The following GAS7 variants were observed in gnomAD, a reference collection of about 807,000 sequenced individuals.
The protein encoded by GAS7 is growth arrest specific 7.
In GAS7, 28 loss-of-function variants were observed where a neutral mutation model predicts 71.1. The observed-to-expected ratio is 0.39, with a 90% CI of 0.29 to 0.54. The LOEUF (loss-of-function observed/expected upper bound fraction) is 0.54, where lower values mean the gene tolerates loss of function less well. GAS7 is among the 20% of genes least tolerant of loss of function. The pLI, the probability that GAS7 is intolerant of heterozygous loss-of-function variation, is 0.62. For missense variants in GAS7, 436 were observed against 627.8 expected (o/e 0.69, Z 3.27); for synonymous variants, 258 against 245.8 (o/e 1.05, Z -0.46).
chr17:10,006,860 A>C (rs1192554093), intron 2 of GAS7, among the ~76,000 whole-genome samples: 1 of 152,218 alleles, frequency 6.6e-6, no homozygotes, highest in Non-Finnish European at 1.5e-5. Context: ...TGGCCAGGTG[A>C]AGGGCCTTTC....
intron 1 of GAS7, among the ~76,000 whole-genome samples, chr17:10,025,215 C>A (rs554072429): frequency 9.1e-4 from 138 of 151,380 alleles, no homozygotes; most frequent in Middle Eastern, 3.4e-3. Flanking sequence ...GCAGCCTGGG[C>A]AATGGAGCAA....
At chr17:9,928,096 A>T (rs1567783020) in intron 9 of GAS7, among the ~76,000 whole-genome samples, 1 of 140,896 alleles carries the variant, frequency 7.1e-6, no homozygotes. Context: ...TGAGCATAAC[A>T]TTTATTTATT....
rs566357900 is a variant in GAS7, at chr17:10,059,829, C to T, written c.184-39932G>A. 92 of 984,254 alleles carry T rather than the reference C, an allele frequency of 9.3e-5. 1 individual carries two copies. In the African/African-American group the frequency reaches 1.3e-3, roughly 14 times the overall value. 61.0% of individuals were successfully genotyped at this position (984,254 alleles called of 1,614,324 possible). On this transcript the variant is annotated intron_variant, in intron 1 of 13. Transcript: ENST00000432992. Reference sequence around the variant, plus strand: ...ATTTATATATAGAAAGTTGCAGCCACGCAGGTTAGCATTAAAATAGAGACT... The same window carrying T: ...ATTTATATATAGAAAGTTGCAGCCATGCAGGTTAGCATTAAAATAGAGACT...
chr17:10,017,158 A>AAATG (rs1286605172), intron 2 of GAS7, among the ~76,000 whole-genome samples: 22 of 149,734 alleles, frequency 1.5e-4, no homozygotes, highest in Non-Finnish European at 3.0e-4. Context: ...ATAAATAAAT[A>AAATG]AATAAATAAA....
In GAS7 at chr17:10,073,280, AC is replaced by A. The variant is rs2073359806; in HGVS notation, c.184-53384del. Among the ~76,000 whole-genome samples the A allele has an allele frequency of 2.0e-5, 3 of 152,094 alleles. No homozygotes were observed. The South Asian group carries it at 6.3e-4, about 32-fold the overall frequency. On this transcript the variant is annotated intron_variant, in intron 1 of 13. Transcript: ENST00000432992. ...GCAGGTACCTCAGTGAACTAATTCC[AC>A]CCCAGGGGCTCTGACACAGCTGGAG...
Position 9,982,815 on chromosome 17 carries a change from GGAAAGAAAGGAAAGAAA to G in GAS7, c.305-948_305-932del, listed in dbSNP as rs1188088099. Among the ~76,000 whole-genome samples the G allele has an allele frequency of 7.3e-4, 54 of 74,300 alleles. 2 individuals are homozygous for G. In the South Asian group the frequency reaches 0.012, roughly 16 times the overall value. The allele number at this position is 74,300 out of a possible 152,430, so 48.7% of individuals were successfully genotyped here. A position where few individuals can be genotyped will look rare whatever the true frequency, so the allele number is the denominator to read the frequency against. On this transcript the variant is annotated intron_variant, in intron 2 of 13. Transcript: ENST00000432992. ...AAAGAAAGGAAAGAAAGGAAAGAAA[GGAAAGAAAGGAAAGAAA>G]GAAAGAAAGAAAGAAAGAAAGAAAG... is the stretch of plus-strand genomic sequence containing the variant.
At chr17:10,046,844 G>A (rs977468195) in intron 1 of GAS7, among the ~76,000 whole-genome samples, 1,568 of 80,642 alleles carry the variant, frequency 0.019, 46 homozygotes, top group Non-Finnish European at 0.024. Flanking sequence ...AAGGAAGGAA[G>A]GAAAGAAAAG....
At chr17:10,036,341 G>T in intron 1 of GAS7, 1 of 1,084,716 alleles carries the variant, frequency 9.2e-7, no homozygotes, top group Non-Finnish European at 1.4e-6. Flanking sequence ...AGTTTTCAGA[G>T]CTGCCTCTTT....
intron 1 of GAS7, among the ~76,000 whole-genome samples, chr17:10,186,188 A>C (rs1457156517): frequency 2.0e-5 from 3 of 151,210 alleles, no homozygotes; most frequent in African/African-American, 4.9e-5. Flanking sequence ...CGATCTCCTG[A>C]TCTTGTGATC....
intron 1 of GAS7, among the ~76,000 whole-genome samples, chr17:10,055,994 C>T (rs1028222237): frequency 3.9e-5 from 6 of 152,104 alleles, no homozygotes; most frequent in Admixed American, 3.9e-4. Flanking sequence ...GTGAATTATC[C>T]CCAATTCTGA....
chr17:10,170,504 G>A (rs185608562), intron 1 of GAS7, among the ~76,000 whole-genome samples: 3 of 152,296 alleles, frequency 2.0e-5, no homozygotes, highest in Non-Finnish European at 2.9e-5. Context: ...AGCAATCCAC[G>A]TGCTTACTCC....
At chr17:9,951,971 G>A (rs542750201) in intron 5 of GAS7, among the ~76,000 whole-genome samples, 4 of 152,184 alleles carry the variant, frequency 2.6e-5, no homozygotes, top group East Asian at 1.9e-4. Context: ...GCCGGAAGAG[G>A]AGACGGTACC....
chr17:10,075,560 C>CGA (rs967149944), intron 1 of GAS7, among the ~76,000 whole-genome samples: 2 of 151,708 alleles, frequency 1.3e-5, no homozygotes, highest in African/African-American at 4.8e-5. Flanking sequence ...TTTGGAAGGC[C>CGA]GAGGTGGGAG....
chr17:10,029,585 G>A (rs752262791), intron 1 of GAS7, among the ~76,000 whole-genome samples: 3 of 152,172 alleles, frequency 2.0e-5, no homozygotes, highest in Non-Finnish European at 4.4e-5. Flanking sequence ...TGGGTGCGGT[G>A]CCTCATGCCT....
intron 1 of GAS7, among the ~76,000 whole-genome samples, chr17:10,124,017 G>C (rs547414496): frequency 6.6e-6 from 1 of 152,236 alleles, no homozygotes; most frequent in Non-Finnish European, 1.5e-5. Context: ...AGGGCTGGCT[G>C]AAGAAGCTGG....
intron 2 of GAS7, among the ~76,000 whole-genome samples, chr17:10,002,158 G>A (rs933522471): frequency 6.6e-6 from 1 of 152,194 alleles, no homozygotes; most frequent in Admixed American, 6.5e-5. Context: ...GAAACGTATT[G>A]TTACAGTTCT....
chr17:10,000,164 T>A (rs1419821638), intron 2 of GAS7, among the ~76,000 whole-genome samples: 3 of 152,204 alleles, frequency 2.0e-5, no homozygotes, highest in African/African-American at 7.2e-5. Flanking sequence ...ATCACAGTCC[T>A]CTGGAGGCAG....
intron 9 of GAS7, among the ~76,000 whole-genome samples, chr17:9,928,240 G>A (rs1470767172): frequency 2.0e-5 from 3 of 150,866 alleles, no homozygotes; most frequent in Non-Finnish European, 4.4e-5. Context: ...AGCCTCCCGA[G>A]TAGCTGGGAC....
At chr17:10,056,837 C>T (rs1055930545) in intron 1 of GAS7, among the ~76,000 whole-genome samples, 2 of 152,112 alleles carry the variant, frequency 1.3e-5, no homozygotes, top group Admixed American at 1.3e-4. Flanking sequence ...CCTCTGATGC[C>T]GAGCCGAAGC....
Sources: allele counts gnomAD v4.1 joint callset (sites outside exome capture counted in the v4.1 genomes callset), GRCh38; gene constraint gnomAD v4.1.1; transcripts MANE v1.5; gene names NCBI Gene and HGNC (gene_info 2026-07-23, HGNC 2026-07-21).